The following SFSWAP variants were observed in gnomAD, a reference collection of about 807,000 sequenced individuals.
The protein encoded by SFSWAP is splicing factor, suppressor of white-apricot homolog.
In SFSWAP, 17 loss-of-function variants were observed where a neutral mutation model predicts 100.7. The ratio of observed to expected loss-of-function variants is 0.17; its 90% CI spans 0.12 to 0.25. SFSWAP has a LOEUF of 0.25. Ranked by LOEUF, SFSWAP falls within the 10% of genes least tolerant of loss-of-function variation. SFSWAP has a pLI of 1.00. For missense variants in SFSWAP, 1,005 were observed against 1,262.6 expected (o/e 0.80, Z 3.09); for synonymous variants, 504 against 510.1 (o/e 0.99, Z 0.16).
intron 3 of SFSWAP, among the ~76,000 whole-genome samples, chr12:131,718,889 T>C (rs1280156085): frequency 6.6e-6 from 1 of 152,150 alleles, no homozygotes; most frequent in African/African-American, 2.4e-5. Flanking sequence ...TGGGAGTGGA[T>C]GTGATGACTT....
Position 131,778,420 on chromosome 12 carries a change from A to T in SFSWAP, c.2408+90A>T. The T allele has an allele frequency of 6.5e-7, 1 of 1,532,016 alleles. No homozygotes were observed. Among genetic ancestry groups the T allele is most frequent in the Non-Finnish European group, 8.7e-7 (1 of 1,143,024 alleles). The allele number at this position is 1,532,016 out of a possible 1,614,324, so 94.9% of individuals were successfully genotyped here. On this transcript the variant is annotated intron_variant, in intron 14 of 17. Coordinates refer to ENST00000261674, the MANE Select transcript of SFSWAP (RefSeq NM_004592.4). This position sits in a 1 kb window ranked among gnomAD's most constrained non-coding sequence, Gnocchi z 4.2. ...AGTAGAGCTAGGTAGAACGTTTAAAATCAGTGCCGCTTTCATTAAGCAGAC... is the reference window on the plus strand; with the variant it reads ...AGTAGAGCTAGGTAGAACGTTTAAATTCAGTGCCGCTTTCATTAAGCAGAC...
intron 7 of SFSWAP, among the ~76,000 whole-genome samples, chr12:131,729,284 A>G (rs1009713810): frequency 4.6e-5 from 7 of 152,062 alleles, no homozygotes; most frequent in Admixed American, 2.0e-4. Context: ...TGGGAGGATC[A>G]CTTACGCACA....
chr12:131,730,147 C>T lies in SFSWAP; in HGVS notation c.1081+1719C>T, dbSNP rs1879363738. On this transcript the variant is annotated intron_variant, in intron 7 of 17. Transcript: ENST00000261674. The surrounding 1 kb of genome is among the most constrained non-coding windows in gnomAD (Gnocchi z 4.0). The stretch of plus-strand genomic sequence containing the variant: ...CTGTAGATCACTCCTAACGCCCAGT[C>T]CTCACTGCATGGATTTTTGGATAGA... Among the ~76,000 whole-genome samples, 2 of 152,214 alleles carry T rather than the reference C, an allele frequency of 1.3e-5. No individual in the cohort carries two copies. Among genetic ancestry groups the T allele is most frequent in the Admixed American group, 6.5e-5 (1 of 15,290 alleles).
intron 9 of SFSWAP, 105 bp from the exon 10 acceptor site, chr12:131,755,281 T>C (rs1882052112): frequency 1.3e-6 from 1 of 777,250 alleles, no homozygotes; most frequent in Non-Finnish European, 2.2e-6. Context: ...AGTAACCACC[T>C]TGTGGGATTG....
At chr12:131,738,053 G>T (rs1566017376) in intron 7 of SFSWAP, among the ~76,000 whole-genome samples, 1 of 151,658 alleles carries the variant, frequency 6.6e-6, no homozygotes, top group East Asian at 1.9e-4. Context: ...ATAGCCTGTG[G>T]GTTTTTTTTA....
chr12:131,773,344 TTTTC>T (rs1179906381), intron 13 of SFSWAP, among the ~76,000 whole-genome samples: 1 of 152,140 alleles, frequency 6.6e-6, no homozygotes, highest in Non-Finnish European at 1.5e-5. Context: ...CACAAATTTT[TTTTC>T]TTTTTCTTTT....
At chr12:131,765,655 A>G (rs914599499) in intron 12 of SFSWAP, among the ~76,000 whole-genome samples, 1 of 149,006 alleles carries the variant, frequency 6.7e-6, no homozygotes, top group African/African-American at 2.4e-5. Flanking sequence ...GTCTCAAAGA[A>G]AAAAAAAAAA....
intron 7 of SFSWAP, among the ~76,000 whole-genome samples, chr12:131,745,659 T>G (rs932134257): frequency 2.6e-5 from 4 of 152,104 alleles, no homozygotes; most frequent in Non-Finnish European, 4.4e-5. Flanking sequence ...CAGAGTAAGA[T>G]TCTCAAATCA....
chr12:131,735,200 G>A (rs1477720941), intron 7 of SFSWAP, among the ~76,000 whole-genome samples: 3 of 152,204 alleles, frequency 2.0e-5, no homozygotes, highest in African/African-American at 2.4e-5. Context: ...CTCCCCCAGC[G>A]ATGAGAGCCG....
intron 5 of SFSWAP, among the ~76,000 whole-genome samples, chr12:131,726,421 G>C (rs1311486769): frequency 6.6e-6 from 1 of 152,188 alleles, no homozygotes; most frequent in Non-Finnish European, 1.5e-5. Flanking sequence ...TGTTGGCCAG[G>C]CTGGTCTCAA....
At chr12:131,753,417 A>C (rs570809371) in intron 8 of SFSWAP, 54 bp downstream of exon 8, 1 of 1,554,342 alleles carries the variant, frequency 6.4e-7, no homozygotes, top group Admixed American at 1.8e-5. Context: ...CACTGCAGTC[A>C]CTGGGGCCGT....
At chr12:131,795,768 A>C (rs773205983) in intron 15 of SFSWAP, among the ~76,000 whole-genome samples, 2 of 151,350 alleles carry the variant, frequency 1.3e-5, no homozygotes, top group Non-Finnish European at 2.9e-5. Flanking sequence ...AGCTGTGCAA[A>C]TAGCAACCCC....
At chr12:131,727,698 T>G (rs1879114205) in intron 6 of SFSWAP, among the ~76,000 whole-genome samples, 1 of 152,190 alleles carries the variant, frequency 6.6e-6, no homozygotes, top group Admixed American at 6.5e-5. Flanking sequence ...TTATAGGTGA[T>G]CAGAATATAT....
intron 7 of SFSWAP, among the ~76,000 whole-genome samples, chr12:131,745,211 G>A (rs992522072): frequency 1.4e-4 from 21 of 152,334 alleles, no homozygotes; most frequent in Admixed American, 2.6e-4. Context: ...ACATCTTAAG[G>A]AGTTTTTGGT....
In SFSWAP at chr12:131,794,871, G is replaced by A. The variant is rs565879042; in HGVS notation, c.2535-2307G>A. On this transcript the variant is annotated intron_variant, in intron 15 of 17. Coordinates refer to ENST00000261674, the MANE Select transcript of SFSWAP (RefSeq NM_004592.4). This position sits in a 1 kb window ranked among gnomAD's most constrained non-coding sequence, Gnocchi z 4.8. ...ATTCCTTCAGCAAGGGCTTAGATCA[G>A]ATTGTAGCAGAATTGAACCAGTTTG... Among the ~76,000 whole-genome samples the A allele has an allele frequency of 6.6e-6, 1 of 152,336 alleles. No homozygotes were observed. The highest frequency in any genetic ancestry group is 2.1e-4 in the South Asian group (1 of 4,828).
intron 4 of SFSWAP, among the ~76,000 whole-genome samples, chr12:131,723,035 C>A (rs922097440): frequency 6.6e-6 from 1 of 152,152 alleles, no homozygotes; most frequent in Non-Finnish European, 1.5e-5. Context: ...AGTAACTGCC[C>A]TAAGTTACAT....
intron 7 of SFSWAP, among the ~76,000 whole-genome samples, chr12:131,732,606 T>C (rs1187344935): frequency 1.3e-5 from 2 of 152,228 alleles, no homozygotes; most frequent in Non-Finnish European, 2.9e-5. Context: ...CTCGGCTTGC[T>C]CCTCGTCTCC....
At position 131,711,427 on chromosome 12, in the gene SFSWAP, C is replaced by T. The variant is rs141547325; in HGVS notation, c.198C>T (p.Asp66=). The T allele has an allele frequency of 2.2e-5, 36 of 1,613,346 alleles. No individual in the cohort carries two copies. In the African/African-American group the frequency reaches 3.6e-4, roughly 16 times the overall value. ...QGQHLIPWMG[D]HKILIDRYDG... ...AGCACCTCATCCCCTGGATGGGGGA[C>T]CACAAGATCCTCATCGACAGGTCGG... Residue 66 remains aspartate (D), a synonymous_variant, in exon 1 of 18, where the codon GAC becomes GAT. Coordinates refer to ENST00000261674, the MANE Select transcript of SFSWAP (RefSeq NM_004592.4). The surrounding 1 kb of genome is among the most constrained non-coding windows in gnomAD (Gnocchi z 4.9).
rs1004152152 is a variant in SFSWAP at position 131,794,201 on chromosome 12, C to T, written c.2535-2977C>T. ...AAGGAACAAATTGAGGATCACCCTG[C>T]GTCGTGGAGGAGTCTCAGACATGCT... On this transcript the variant is annotated intron_variant, in intron 15 of 17. Transcript: ENST00000261674. This position sits in a 1 kb window ranked among gnomAD's most constrained non-coding sequence, Gnocchi z 4.8. 4.6e-5 allele frequency among the ~76,000 whole-genome samples: 7 copies of T among 152,174 alleles called. No homozygotes were observed. Among genetic ancestry groups the T allele is most frequent in the African/African-American group, 1.4e-4 (6 of 41,452 alleles).
Sources: gnomAD v4.1 joint callset for allele counts (sites outside exome capture counted in the v4.1 genomes callset) on GRCh38, gnomAD v4.1.1 for gene constraint, Gnocchi (gnomAD v3.1) non-coding constraint, MANE v1.5 for transcripts, NCBI Gene and HGNC (gene_info 2026-07-23, HGNC 2026-07-21) for gene names.